The following LTBP4 variants were observed in gnomAD, a reference collection of about 807,000 sequenced individuals.
LTBP4 encodes the protein latent transforming growth factor beta binding protein 4.
LTBP4 carries 93 observed loss-of-function variants against 180.2 expected under a neutral mutation model. That is an observed-to-expected ratio of 0.52 (90% CI 0.44 to 0.61). LTBP4 has a LOEUF of 0.61. Among genes scored for constraint, LTBP4 ranks in the 20% least tolerant of loss-of-function variants. The probability of loss-of-function intolerance (pLI) is 0.00; values close to 1 mark genes in which losing one functional copy is unlikely to be tolerated. For synonymous variants in LTBP4, 947 were observed against 934.5 expected (o/e 1.01, Z -0.24); for missense variants, 2,116 against 2,256.5 (o/e 0.94, Z 1.26).
upstream of LTBP4, among the ~76,000 whole-genome samples, chr19:40,597,567 G>A (rs545543923): frequency 3.3e-5 from 5 of 152,228 alleles, no homozygotes; most frequent in African/African-American, 1.2e-4. Context: ...AGATTTTTAG[G>A]GGAAAGAGTC....
chr19:40,627,306 C>T lies in LTBP4; in HGVS notation c.4317C>T (p.Arg1439=), dbSNP rs2081642467. ...GGCCCTATCGGTCCCGGGACACCCGCCGCTCCTTCCCAGAGCCCGAGGAGC... is the reference window on the plus strand; with the variant it reads ...GGCCCTATCGGTCCCGGGACACCCGTCGCTCCTTCCCAGAGCCCGAGGAGC... ...TRWPYRSRDT[R]RSFPEPEEPP... is the part of the protein sequence containing the mutation. The change falls in exon 28 of 30, where the codon CGC becomes CGT. Residue 1439 remains arginine, a synonymous_variant. Coordinates refer to ENST00000396819, the MANE Select transcript of LTBP4 (RefSeq NM_001042545.2). 1 of 1,529,650 alleles carries T rather than the reference C, an allele frequency of 6.5e-7. No homozygotes were observed. The highest frequency in any genetic ancestry group is 1.4e-5 in the African/African-American group (1 of 73,220). The allele number at this position is 1,529,650 out of a possible 1,614,324, so 94.8% of individuals were successfully genotyped here.
rs1255854028 is a variant in LTBP4 at position 40,622,555 on chromosome 19, T to C, written c.3372T>C (p.Asp1124=). The C allele has an allele frequency of 2.5e-6, 4 of 1,613,754 alleles. No homozygotes were observed. In the Admixed American group the frequency reaches 5.0e-5, roughly 20 times the overall value. Residue 1124 remains aspartate (D), a synonymous_variant, in exon 23 of 30, where the codon GAT becomes GAC. Transcript: ENST00000396819. This position sits in a 1 kb window ranked among gnomAD's most constrained non-coding sequence, Gnocchi z 5.1. ...GCTACTTTGACACAGCGGCCCCGGA[T>C]GCATGTGACAACATCCTGGCTCGGA... The part of the protein sequence containing the change: ...RECYFDTAAP[D]ACDNILARNV...
At chr19:40,610,021 CCCG>C in intron 11 of LTBP4, 150 bp downstream of exon 11, 2 of 1,064,554 alleles carry the variant, frequency 1.9e-6, no homozygotes, top group Admixed American at 3.1e-5. Context: ...CCTTCCCTGA[CCCG>C]CCTCCACCCA....
rs1342967249 is a variant in LTBP4, at chr19:40,616,901, G to C, written c.2825G>C (p.Cys942Ser). ...PEGTCDDVDE[C>S]QEYGPEICGA... ...CCACACTCTGCAGATGTGGATGAGT[G>C]CCAAGAATATGGTCCCGAGATTTGT... Residue 942 changes from cysteine to serine, a missense_variant, in exon 20 of 30, where the codon TGC becomes TCC. This residue lies in a region of LTBP4 where 877 missense variants were observed against 873.6 expected (regional missense o/e 1.00). Transcript: ENST00000396819. 1 of 1,613,982 alleles carries C rather than the reference G, an allele frequency of 6.2e-7. No individual in the cohort carries two copies. The highest frequency in any genetic ancestry group is 8.5e-7 in the Non-Finnish European group (1 of 1,179,896).
Position 40,613,952 on chromosome 19 carries a change from G to A in LTBP4, c.2594G>A (p.Ser865Asn), listed in dbSNP as rs2081527852. The A allele has an allele frequency of 1.2e-6, 2 of 1,613,668 alleles. No individual in the cohort carries two copies. Among genetic ancestry groups the A allele is most frequent in the Non-Finnish European group, 1.7e-6 (2 of 1,179,812 alleles). ...DECSEEDLCQ[S>N]GICTNTDGSF... ...TGCAGCGAGGAGGACCTTTGCCAGA[G>A]CGGCATCTGTACCAACACCGACGGC... The change falls in exon 18 of 30, where the codon AGC becomes AAC. Residue 865 changes from serine (S) to asparagine (N), a missense_variant. Physicochemically the swap from Ser to Asn is conservative, Grantham distance 46 (BLOSUM62 1). This residue lies in a region of LTBP4 where 877 missense variants were observed against 873.6 expected (regional missense o/e 1.00). Transcript: ENST00000396819. This position sits in a 1 kb window ranked among gnomAD's most constrained non-coding sequence, Gnocchi z 5.0.
chr19:40,623,889 G>A (rs1439456786), intron 25 of LTBP4, 47 bp from the exon 26 acceptor site: 1 of 1,607,438 alleles, frequency 6.2e-7, no homozygotes. Context: ...AAATGGGAAA[G>A]GGTGGGGAGA....
chr19:40,616,971 A>T lies in LTBP4; in HGVS notation c.2895A>T (p.Thr965=). Residue 965 remains threonine (T), a synonymous_variant, in exon 20 of 30, where the codon ACA becomes ACT. Coordinates refer to ENST00000396819, the MANE Select transcript of LTBP4 (RefSeq NM_001042545.2). ...ACACCCCTGGCTCCTACCGCTGCAC[A>T]CCAGCCTGTGACCCTGGCTATCAGC... is the stretch of plus-strand genomic sequence containing the variant. ...CENTPGSYRC[T]PACDPGYQPT... The T allele has an allele frequency of 6.2e-7, 1 of 1,613,888 alleles. No individual in the cohort carries two copies. Among genetic ancestry groups the T allele is most frequent in the South Asian group, 1.1e-5 (1 of 91,082 alleles).
chr19:40,624,009 C>T lies in LTBP4; in HGVS notation c.3759C>T (p.His1253=). 6.2e-7 allele frequency: 1 copy of T among 1,611,964 alleles called. No homozygotes were observed. The highest frequency in any genetic ancestry group is 1.7e-4 in the Middle Eastern group (1 of 6,046). Residue 1253 remains histidine (H), a synonymous_variant, in exon 26 of 30, where the codon CAC becomes CAT. Coordinates refer to ENST00000396819, the MANE Select transcript of LTBP4 (RefSeq NM_001042545.2). ...GTGTCAACACTGTGGGCTCTTATCA[C>T]TGTACCTGCGAGCCCCCACTGGTGC... ...GRCVNTVGSY[H]CTCEPPLVLD...
At chr19:40,597,262 C>T (rs1410143677), upstream of LTBP4, 4 of 1,510,404 alleles carry the variant, frequency 2.6e-6, no homozygotes, top group African/African-American at 5.8e-5. Context: ...CAGCGGCCGC[C>T]GCCCCCTCCT....
chr19:40,627,963 A>G, intron 29 of LTBP4, 106 bp downstream of exon 29: 1 of 1,408,098 alleles, frequency 7.1e-7, no homozygotes, highest in Non-Finnish European at 9.5e-7. Flanking sequence ...AAAGGACCTC[A>G]CTACAGGGGA....
chr19:40,619,314 G>A (rs1280988817), intron 21 of LTBP4, 33 bp from the exon 22 acceptor site: 46 of 1,603,116 alleles, frequency 2.9e-5, no homozygotes, highest in African/African-American at 4.0e-5. Context: ...TATAACCACT[G>A]AGTCCCTCTC....
At chr19:40,597,144 G>GGGGGCGGGGGCGGGGGCA, upstream of LTBP4, 1 of 1,166,258 alleles carries the variant, frequency 8.6e-7, no homozygotes, top group Non-Finnish European at 1.1e-6. Context: ...GGCCTCGGGC[G>GGGGGCGGGGGCGGGGGCA]GGGGCGGGGG....
At chr19:40,607,142 G>C (rs2081468701) in intron 6 of LTBP4, among the ~76,000 whole-genome samples, 1 of 152,114 alleles carries the variant, frequency 6.6e-6, no homozygotes, top group South Asian at 2.1e-4. Context: ...ATCCTTCTCA[G>C]AGTCTCTCAT....
At chr19:40,623,227 A>T (rs2081599808) in intron 24 of LTBP4, among the ~76,000 whole-genome samples, 1 of 141,060 alleles carries the variant, frequency 7.1e-6, no homozygotes. Flanking sequence ...CAGGCTGGAG[A>T]GCAATGGCGA....
At chr19:40,601,295 G>C (rs1363844430), upstream of LTBP4, 2 of 937,938 alleles carry the variant, frequency 2.1e-6, no homozygotes, top group Non-Finnish European at 2.5e-6. Context: ...GAGCGGGGGC[G>C]CGGGCGACCT....
chr19:40,623,782 C>T (rs1356054500), intron 25 of LTBP4, 50 bp downstream of exon 25: 8 of 1,608,582 alleles, frequency 5.0e-6, no homozygotes, highest in East Asian at 4.5e-5. Flanking sequence ...CAACCCCTAG[C>T]CTTGCCAGCT....
In LTBP4 at chr19:40,607,441, G is replaced by A. The variant is rs754651896; in HGVS notation, c.1068G>A (p.Leu356=). The A allele has an allele frequency of 1.5e-5, 24 of 1,613,364 alleles. No individual in the cohort carries two copies. The East Asian group carries it at 5.1e-4, about 34-fold the overall frequency. ...ACGGCGGCTGTTCGCTGCCCATTCT[G>A]CGGAACATCACTAAACAGATCTGCT... is the stretch of plus-strand genomic sequence containing the variant. ...LRDGGCSLPI[L]RNITKQICCC... Residue 356 remains leucine (L), a synonymous_variant, in exon 7 of 30, where the codon CTG becomes CTA. Transcript: ENST00000396819.
At chr19:40,608,636 G>A in intron 9 of LTBP4, 33 bp downstream of exon 9, 4 of 1,556,562 alleles carry the variant, frequency 2.6e-6, no homozygotes, top group Non-Finnish European at 2.6e-6. Flanking sequence ...CATTGGGCCT[G>A]CAGCAGTGGC....
At chr19:40,593,286 G>A (rs557333904) in intron 1 of LTBP4, 16 of 1,364,286 alleles carry the variant, frequency 1.2e-5, no homozygotes, top group East Asian at 9.4e-5. Context: ...TTTGTTGCCC[G>A]GGCTAGGGTG....
Sources: allele counts gnomAD v4.1 joint callset (sites outside exome capture counted in the v4.1 genomes callset), GRCh38; gene constraint gnomAD v4.1.1; regional missense constraint gnomAD v4.1.1; non-coding constraint Gnocchi (gnomAD v3.1); transcripts MANE v1.5; gene names NCBI Gene and HGNC (gene_info 2026-07-23, HGNC 2026-07-21).